Variants in GRM8 observed in about 807,000 individuals in gnomAD.
GRM8 encodes glutamate metabotropic receptor 8.
A neutral mutation model predicts 87.2 loss-of-function variants in GRM8; 47 were observed. The observed-to-expected ratio is 0.54, with a 90% CI of 0.43 to 0.69. The LOEUF (loss-of-function observed/expected upper bound fraction) is 0.69, where lower values mean the gene tolerates loss of function less well. Ranked by LOEUF, GRM8 falls within the 30% of genes least tolerant of loss-of-function variation. The pLI, the probability that GRM8 is intolerant of heterozygous loss-of-function variation, is 0.00. For synonymous variants in GRM8, 396 were observed against 404.5 expected, an observed-to-expected ratio of 0.98 and a Z score of 0.25; for missense variants, 1,019 against 1,139.2, an observed-to-expected ratio of 0.89 and a Z score of 1.52.
At chr7:127,189,463 C>T (rs1794908171) in intron 2 of GRM8, among the ~76,000 whole-genome samples, 1 of 152,118 alleles carries the variant, frequency 6.6e-6, no homozygotes, top group South Asian at 2.1e-4. Context: ...GACTGTACGC[C>T]TAAATATTCA....
At chr7:127,240,424 C>CAAAA (rs11305864) in intron 2 of GRM8, among the ~76,000 whole-genome samples, 1,487 of 141,316 alleles carry the variant, frequency 0.011, 16 homozygotes, top group African/African-American at 0.033. Context: ...GATTCTATGG[C>CAAAA]AAAAAAAAAA....
intron 2 of GRM8, among the ~76,000 whole-genome samples, chr7:127,202,397 C>T (rs750802740): frequency 2.6e-5 from 4 of 152,122 alleles, no homozygotes; most frequent in African/African-American, 4.8e-5. Flanking sequence ...AGGGTGGTCT[C>T]GAACTCCTGG....
At chr7:127,067,305 T>A (rs762084929) in intron 3 of GRM8, among the ~76,000 whole-genome samples, 1 of 152,204 alleles carries the variant, frequency 6.6e-6, no homozygotes, top group African/African-American at 2.4e-5. Context: ...CTGCAACATA[T>A]ACCCATCATC....
chr7:126,647,088 C>G (rs1803196563), intron 7 of GRM8, among the ~76,000 whole-genome samples: 1 of 152,042 alleles, frequency 6.6e-6, no homozygotes, highest in Non-Finnish European at 1.5e-5. Context: ...TTCACAGTAT[C>G]TTTTAATAAA....
intron 7 of GRM8, among the ~76,000 whole-genome samples, chr7:126,713,526 A>G (rs1393734222): frequency 6.7e-6 from 1 of 150,114 alleles, no homozygotes; most frequent in African/African-American, 2.4e-5. Flanking sequence ...GATTGGGTTG[A>G]TGGGTGCAGC....
intron 6 of GRM8, among the ~76,000 whole-genome samples, chr7:126,858,614 T>C (rs1797886516): frequency 6.6e-6 from 1 of 152,200 alleles, no homozygotes; most frequent in Non-Finnish European, 1.5e-5. Context: ...AGTTTCAATC[T>C]TCCATTGGCA....
intron 7 of GRM8, among the ~76,000 whole-genome samples, chr7:126,757,198 A>G (rs113972462): frequency 0.018 from 2,789 of 152,250 alleles, 78 homozygotes; most frequent in African/African-American, 0.063. Context: ...ATTTAAAAGT[A>G]CAGATTATAC....
chr7:126,496,874 C>A (rs139903263), intron 9 of GRM8, among the ~76,000 whole-genome samples: 139 of 151,912 alleles, frequency 9.2e-4, no homozygotes, highest in East Asian at 4.9e-3. Context: ...ATCTCCCCCC[C>A]ACAGGTGAAA....
chr7:127,118,903 C>T (rs1417341603), intron 2 of GRM8, among the ~76,000 whole-genome samples: 1 of 152,184 alleles, frequency 6.6e-6, no homozygotes, highest in Non-Finnish European at 1.5e-5. Context: ...CATCACCAGC[C>T]ATTGCCATAT....
chr7:127,236,554 C>T lies in GRM8; in HGVS notation c.510+6141G>A, dbSNP rs544391862. Reference sequence around the variant, plus strand: ...ATCAGATCTCGTGAGAACTCACTCACTATCACGAGAACAGCATGGAGAAAA... The same window carrying T: ...ATCAGATCTCGTGAGAACTCACTCATTATCACGAGAACAGCATGGAGAAAA... On this transcript the variant is annotated intron_variant, in intron 2 of 10. Transcript: ENST00000339582. 2.0e-4 allele frequency among the ~76,000 whole-genome samples: 31 copies of T among 152,244 alleles called. No individual in the cohort carries two copies. In the South Asian group the frequency reaches 4.6e-3, roughly 22 times the overall value.
chr7:126,892,480 G>A (rs985640327), intron 6 of GRM8, among the ~76,000 whole-genome samples: 2 of 151,934 alleles, frequency 1.3e-5, no homozygotes, highest in Non-Finnish European at 2.9e-5. Flanking sequence ...CATTTTTTAT[G>A]GCTGCATAGT....
chr7:126,640,030 C>T (rs933392433), intron 7 of GRM8, among the ~76,000 whole-genome samples: 3 of 152,162 alleles, frequency 2.0e-5, no homozygotes, highest in South Asian at 4.1e-4. Context: ...TGTCAGAAAA[C>T]TCTTAACACA....
At chr7:127,159,411 AAAG>A (rs556229187) in intron 2 of GRM8, among the ~76,000 whole-genome samples, 1 of 152,344 alleles carries the variant, frequency 6.6e-6, no homozygotes, top group East Asian at 1.9e-4. Flanking sequence ...TGTCAGGAGA[AAAG>A]AAACACTGGC....
At position 126,872,209 on chromosome 7, in the gene GRM8, G is replaced by C. The variant is rs537742012; in HGVS notation, c.1156+30333C>G. Reference sequence around the variant, plus strand: ...TCAACTCTATGTCTTTATTTTTGAGGATGAGCAAACTCTTCAAAGGGCTGT... The same window carrying C: ...TCAACTCTATGTCTTTATTTTTGAGCATGAGCAAACTCTTCAAAGGGCTGT... On this transcript the variant is annotated intron_variant, in intron 6 of 10. Transcript: ENST00000339582. Among the ~76,000 whole-genome samples, 4 of 152,206 alleles carry C rather than the reference G, an allele frequency of 2.6e-5. No homozygotes were observed. The East Asian group carries it at 5.8e-4, about 22-fold the overall frequency.
At chr7:126,784,661 C>T (rs1820443344) in intron 6 of GRM8, among the ~76,000 whole-genome samples, 1 of 152,120 alleles carries the variant, frequency 6.6e-6, no homozygotes, top group Non-Finnish European at 1.5e-5. Flanking sequence ...CTATTATGAG[C>T]CTACCACCAT....
At chr7:126,646,151 A>G (rs1803022827) in intron 7 of GRM8, among the ~76,000 whole-genome samples, 1 of 152,102 alleles carries the variant, frequency 6.6e-6, no homozygotes, top group South Asian at 2.1e-4. Context: ...TTCCCTGCCA[A>G]CACTTAACCT....
chr7:127,072,018 G>T (rs942391670), intron 3 of GRM8, among the ~76,000 whole-genome samples: 3 of 151,708 alleles, frequency 2.0e-5, no homozygotes, highest in Admixed American at 1.3e-4. Flanking sequence ...CCCTTTGATT[G>T]CTCAGTTCTT....
intron 3 of GRM8, among the ~76,000 whole-genome samples, chr7:126,907,983 G>A (rs550454619): frequency 6.6e-6 from 1 of 152,332 alleles, no homozygotes; most frequent in East Asian, 1.9e-4. Flanking sequence ...CAAGGATTTG[G>A]TCTTTGTGAC....
intron 6 of GRM8, among the ~76,000 whole-genome samples, chr7:126,810,105 G>T (rs552029263): frequency 1.3e-5 from 2 of 152,220 alleles, no homozygotes; most frequent in Non-Finnish European, 2.9e-5. Flanking sequence ...AATTCAACTT[G>T]TCCTGGCCCT....
Sources: allele counts gnomAD v4.1 joint callset (sites outside exome capture counted in the v4.1 genomes callset), GRCh38; gene constraint gnomAD v4.1.1; transcripts MANE v1.5; gene names NCBI Gene and HGNC (gene_info 2026-07-23, HGNC 2026-07-21).